The following TMC1 variants were observed in gnomAD, a reference collection of about 807,000 sequenced individuals.
The protein encoded by TMC1 is transmembrane channel like 1, also known as transmembrane channel-like protein 1.
A neutral mutation model predicts 105.8 loss-of-function variants in TMC1; 84 were observed. That is an observed-to-expected ratio of 0.79 (90% confidence interval 0.67 to 0.95). The LOEUF (loss-of-function observed/expected upper bound fraction) is 0.95, where lower values mean the gene tolerates loss of function less well. Ranked by LOEUF, TMC1 falls within the 40% of genes least tolerant of loss-of-function variation. TMC1 has a pLI of 0.00. For synonymous variants in TMC1, 315 were observed against 311.5 expected (o/e 1.01, Z -0.12); for missense variants, 817 against 914.1 (o/e 0.89, Z 1.37).
intron 17 of TMC1, among the ~76,000 whole-genome samples, chr9:72,795,976 A>G (rs1009672403): frequency 2.6e-5 from 4 of 152,058 alleles, no homozygotes; most frequent in African/African-American, 9.7e-5. Flanking sequence ...CCAAGAGAAA[A>G]CAGAAAAAAA....
chr9:72,741,859 A>T (rs1204404771), intron 9 of TMC1, among the ~76,000 whole-genome samples: 1 of 152,166 alleles, frequency 6.6e-6, no homozygotes, highest in Non-Finnish European at 1.5e-5. Flanking sequence ...AAATGATTTT[A>T]TGACTTGTTG....
chr9:72,681,665 A>G (rs1321609084), intron 5 of TMC1, among the ~76,000 whole-genome samples: 2 of 152,122 alleles, frequency 1.3e-5, no homozygotes, highest in Non-Finnish European at 2.9e-5. Flanking sequence ...AAAACGTGCA[A>G]AAAAATTGGT....
intron 1 of TMC1, among the ~76,000 whole-genome samples, chr9:72,570,676 C>CTTTTTTTT (rs529953890): frequency 1.2e-4 from 9 of 75,648 alleles, no homozygotes; most frequent in South Asian, 4.9e-4. Context: ...GCCAAATTTC[C>CTTTTTTTT]TTTTTTTTTT....
chr9:72,630,988 C>T (rs1478805680), intron 4 of TMC1, among the ~76,000 whole-genome samples: 1 of 151,938 alleles, frequency 6.6e-6, no homozygotes, highest in African/African-American at 2.4e-5. Context: ...CTACCTCAGC[C>T]TCCAGAGTAG....
Position 72,542,834 on chromosome 9 carries a change from C to T in TMC1, c.-428+20921C>T, listed in dbSNP as rs534877486. Among the ~76,000 whole-genome samples, 10 of 152,006 alleles carry T rather than the reference C, an allele frequency of 6.6e-5. No homozygotes were observed. In the South Asian group the frequency reaches 1.0e-3, roughly 16 times the overall value. On this transcript the variant is annotated intron_variant, in intron 1 of 23. Transcript: ENST00000297784. Reference sequence around the variant, plus strand: ...AGGTGGGATTACAGGTGCCTGCCACCGCGCCCAGCTAATTTTTGTACTTTT... The same window carrying T: ...AGGTGGGATTACAGGTGCCTGCCACTGCGCCCAGCTAATTTTTGTACTTTT...
intron 12 of TMC1, among the ~76,000 whole-genome samples, chr9:72,761,827 A>G (rs551540384): frequency 2.0e-5 from 3 of 152,204 alleles, no homozygotes; most frequent in Non-Finnish European, 4.4e-5. Flanking sequence ...AAGTTCCTTC[A>G]TCTCTTATTG....
At chr9:72,678,738 C>T (rs1023350952) in intron 5 of TMC1, among the ~76,000 whole-genome samples, 7 of 151,868 alleles carry the variant, frequency 4.6e-5, no homozygotes, top group Admixed American at 1.3e-4. Context: ...TTAGTTGACC[C>T]TTGTGAGATA....
intron 3 of TMC1, among the ~76,000 whole-genome samples, chr9:72,626,554 G>A (rs1475749255): frequency 6.6e-6 from 1 of 152,092 alleles, no homozygotes; most frequent in African/African-American, 2.4e-5. Flanking sequence ...AGACAGAGAA[G>A]GAGTGAATAA....
intron 1 of TMC1, among the ~76,000 whole-genome samples, chr9:72,561,182 G>A (rs553775262): frequency 5.3e-5 from 8 of 151,990 alleles, no homozygotes; most frequent in East Asian, 2.0e-4. Context: ...TTAGCCGGGC[G>A]TGGTGGTGGG....
chr9:72,731,114 T>A (rs776539637), intron 8 of TMC1, among the ~76,000 whole-genome samples: 16 of 152,272 alleles, frequency 1.1e-4, no homozygotes, highest in Non-Finnish European at 2.4e-4. Flanking sequence ...AACCCATATC[T>A]GTGCCAGTGG....
chr9:72,540,621 C>G (rs955619233), intron 1 of TMC1, among the ~76,000 whole-genome samples: 1 of 152,170 alleles, frequency 6.6e-6, no homozygotes, highest in Non-Finnish European at 1.5e-5. Flanking sequence ...CAATCTGTCT[C>G]TGCGTCGCGT....
intron 4 of TMC1, among the ~76,000 whole-genome samples, chr9:72,632,046 G>GA (rs1229959949): frequency 6.6e-6 from 1 of 152,162 alleles, no homozygotes; most frequent in East Asian, 1.9e-4. Flanking sequence ...AATTTATAAA[G>GA]AAAAGGGTTT....
intron 2 of TMC1, among the ~76,000 whole-genome samples, chr9:72,587,629 G>A (rs1389681375): frequency 6.6e-6 from 1 of 152,158 alleles, no homozygotes; most frequent in African/African-American, 2.4e-5. Flanking sequence ...CACTATGAGA[G>A]GGGGAAGGAA....
rs372053269 is a variant in TMC1, at chr9:72,740,284, GA to G, written c.453+82del. 462 of 1,279,978 alleles carry G rather than the reference GA, an allele frequency of 3.6e-4. 3 individuals carry two copies. The African/African-American group carries it at 6.1e-3, about 17-fold the overall frequency. The allele number at this position is 1,279,978 out of a possible 1,614,324, so 79.3% of individuals were successfully genotyped here. A position where few individuals can be genotyped will look rare whatever the true frequency, so the allele number is the denominator to read the frequency against. On this transcript the variant is annotated intron_variant, in intron 9 of 23. Coordinates refer to ENST00000297784, the MANE Select transcript of TMC1 (RefSeq NM_138691.3). ...AACACTGGTTCTTTTCTAAAGGGGT[GA>G]AAAAAATCTTACATTTTGTATATAT... is the stretch of plus-strand genomic sequence containing the variant.
chr9:72,694,411 C>A, intron 6 of TMC1, 132 bp from the exon 7 acceptor site: 1 of 726,086 alleles, frequency 1.4e-6, no homozygotes, highest in Non-Finnish European at 2.4e-6. Context: ...ATGATGCATC[C>A]CATCACGATG....
At chr9:72,820,555 G>C (rs1183012022) in intron 19 of TMC1, among the ~76,000 whole-genome samples, 4 of 152,192 alleles carry the variant, frequency 2.6e-5, no homozygotes, top group South Asian at 2.1e-4. Flanking sequence ...TGTTTACTCT[G>C]TTGTAGTTTA....
chr9:72,623,667 G>A (rs898597685), intron 3 of TMC1, among the ~76,000 whole-genome samples: 1 of 152,066 alleles, frequency 6.6e-6, no homozygotes, highest in Non-Finnish European at 1.5e-5. Flanking sequence ...ACTGGGCGGC[G>A]AACCATGTAT....
At chr9:72,635,324 TA>T (rs1023775237) in intron 4 of TMC1, among the ~76,000 whole-genome samples, 1 of 152,148 alleles carries the variant, frequency 6.6e-6, no homozygotes, top group African/African-American at 2.4e-5. Context: ...TCATTGCATA[TA>T]CATGCCCCTC....
intron 5 of TMC1, among the ~76,000 whole-genome samples, chr9:72,685,687 A>G (rs1826369743): frequency 6.6e-6 from 1 of 152,128 alleles, no homozygotes; most frequent in Non-Finnish European, 1.5e-5. Context: ...TTTTGCATCA[A>G]ATAGTAAGAC....
Sources: allele counts gnomAD v4.1 joint callset (sites outside exome capture counted in the v4.1 genomes callset), GRCh38; gene constraint gnomAD v4.1.1; transcripts MANE v1.5; gene names NCBI Gene and HGNC (gene_info 2026-07-23, HGNC 2026-07-21).